NSD1: variants seen among roughly 807,000 people sequenced by gnomAD.
NSD1 encodes the protein histone-lysine N-methyltransferase, H3 lysine-36 specific.
In NSD1, 26 loss-of-function variants were observed where a neutral mutation model predicts 242.7. The observed-to-expected ratio is 0.11, with a 90% confidence interval of 0.08 to 0.15. The LOEUF is 0.15. NSD1 is among the 10% of genes least tolerant of loss of function. The probability of loss-of-function intolerance (pLI) is 1.00; values close to 1 mark genes in which losing one functional copy is unlikely to be tolerated. For synonymous variants in NSD1, 1,106 were observed against 1,178.1 expected, an observed-to-expected ratio of 0.94 and a Z score of 1.25; for missense variants, 2,495 against 3,272.8, an observed-to-expected ratio of 0.76 and a Z score of 5.80.
At chr5:177,212,984 A>G (rs1472667307) in intron 5 of NSD1, among the ~76,000 whole-genome samples, 1 of 152,178 alleles carries the variant, frequency 6.6e-6, no homozygotes, top group East Asian at 1.9e-4. Flanking sequence ...TTTTGTGGAC[A>G]ATTTGATGAA....
At chr5:177,146,460 T>TC in intron 2 of NSD1, among the ~76,000 whole-genome samples, 1 of 151,974 alleles carries the variant, frequency 6.6e-6, no homozygotes, top group Non-Finnish European at 1.5e-5. Flanking sequence ...CGCCTCAGCC[T>TC]CCCAAAGTGT....
In NSD1 at chr5:177,185,889, ATATT is replaced by A. The variant is rs1476329981; in HGVS notation, c.928-5991_928-5988del. Among the ~76,000 whole-genome samples, 291 of 84,392 alleles carry A rather than the reference ATATT, an allele frequency of 3.4e-3. 2 individuals are homozygous for A. The highest frequency in any genetic ancestry group is 0.015 in the African/African-American group (280 of 19,020). 55.4% of individuals were successfully genotyped at this position (84,392 alleles called of 152,430 possible). A position where few individuals can be genotyped will look rare whatever the true frequency, so the allele number is the denominator to read the frequency against. On this transcript the variant is annotated intron_variant, in intron 2 of 22. Coordinates refer to ENST00000439151, the MANE Select transcript of NSD1 (RefSeq NM_022455.5). Reference sequence around the variant, plus strand: ...TATTTATATAATTAATATATATAATATATTTATATATTTTATATAATTATATATA... The same window carrying A: ...TATTTATATAATTAATATATATAATATATATATTTTATATAATTATATATA...
intron 2 of NSD1, among the ~76,000 whole-genome samples, chr5:177,153,208 G>GTT (rs575455880): frequency 0.083 from 11,291 of 135,738 alleles, 894 homozygotes; most frequent in African/African-American, 0.22. Flanking sequence ...TTCTTTTTCT[G>GTT]TTTTTTTTTT....
intron 17 of NSD1, 107 bp from the exon 18 acceptor site, chr5:177,280,458 T>C (rs1758783639): frequency 8.1e-7 from 1 of 1,232,442 alleles, no homozygotes; most frequent in Non-Finnish European, 1.2e-6. Flanking sequence ...TTCAAAATCA[T>C]GGGAAATGTG....
At chr5:177,241,601 T>C (rs1765876484) in intron 8 of NSD1, among the ~76,000 whole-genome samples, 1 of 152,216 alleles carries the variant, frequency 6.6e-6, no homozygotes, top group Non-Finnish European at 1.5e-5. Flanking sequence ...TTAATAACTC[T>C]TCGTCACGGT....
intron 2 of NSD1, among the ~76,000 whole-genome samples, chr5:177,137,884 G>A (rs2149759355): frequency 6.6e-6 from 1 of 152,152 alleles, no homozygotes; most frequent in South Asian, 2.1e-4. Context: ...AGGAGTTTGA[G>A]ACCAGTCTGG....
intron 21 of NSD1, 132 bp from the exon 22 acceptor site, chr5:177,291,822 T>C (rs1759854691): frequency 1.1e-6 from 1 of 885,082 alleles, no homozygotes; most frequent in Admixed American, 2.0e-5. Flanking sequence ...CCAGGTACCT[T>C]TCCTGCATTT....
intron 17 of NSD1, among the ~76,000 whole-genome samples, chr5:177,277,974 T>G (rs1758537468): frequency 6.6e-6 from 1 of 152,244 alleles, no homozygotes; most frequent in South Asian, 2.1e-4. Context: ...TCAGGACTTG[T>G]AGTCTTGGGT....
intron 2 of NSD1, among the ~76,000 whole-genome samples, chr5:177,163,731 T>A (rs1374570664): frequency 6.6e-6 from 1 of 152,204 alleles, no homozygotes; most frequent in Non-Finnish European, 1.5e-5. Context: ...TTATCTCATT[T>A]AATCCTCAAA....
chr5:177,190,993 T>C (rs1316433319), intron 2 of NSD1, among the ~76,000 whole-genome samples: 1 of 140,498 alleles, frequency 7.1e-6, no homozygotes, highest in African/African-American at 2.7e-5. Context: ...TTTTTTTTTT[T>C]GAAGAGTCTC....
chr5:177,181,426 G>GTTTTT (rs1554183364), intron 2 of NSD1, among the ~76,000 whole-genome samples: 10 of 119,766 alleles, frequency 8.3e-5, no homozygotes, highest in East Asian at 2.4e-4. Context: ...GTTTTTTTTT[G>GTTTTT]GTTTTTTTTT....
rs766955389 is a variant in NSD1, at chr5:177,296,170, G to T, written c.*711G>T. The stretch of plus-strand genomic sequence containing the variant: ...AGAGGTCTCCTCTATAGATGCAAGG[G>T]TGCTGCATTGAGGCCAGCAAGGCTG... On this transcript the variant is annotated 3_prime_UTR_variant, in exon 23 of 23. Transcript: ENST00000439151. 4 of 238,800 alleles carry T rather than the reference G, an allele frequency of 1.7e-5. No homozygotes were observed. The highest frequency in any genetic ancestry group is 3.3e-5 in the Non-Finnish European group (4 of 121,444). The allele number at this position is 238,800 out of a possible 1,614,324, so 14.8% of individuals were successfully genotyped here. A position where few individuals can be genotyped will look rare whatever the true frequency, so the allele number is the denominator to read the frequency against.
chr5:177,176,258 T>G (rs1405560553), intron 2 of NSD1, among the ~76,000 whole-genome samples: 2 of 151,788 alleles, frequency 1.3e-5, no homozygotes, highest in African/African-American at 4.8e-5. Flanking sequence ...TATTCGATTC[T>G]TCTTCCTTTT....
chr5:177,256,955 C>G lies in NSD1; in HGVS notation c.4770C>G (p.Ile1590Met). 2 of 1,612,962 alleles carry G rather than the reference C, an allele frequency of 1.2e-6. No homozygotes were observed. Among genetic ancestry groups the G allele is most frequent in the Non-Finnish European group, 1.7e-6 (2 of 1,178,912 alleles). ...KFICNECRTG[I>M]HTCFVCKQSG... ...TATCTTCTTTTGGCTTCTCAGGAAT[C>G]CATACCTGTTTTGTATGTAAGCAGA... Residue 1590 changes from isoleucine (I) to methionine (M), a missense_variant, in exon 13 of 23, where the codon ATC becomes ATG. By Grantham distance (10) the Ile-to-Met change is conservative (BLOSUM62 1). This residue lies in a region of NSD1 where 27 missense variants were observed against 43.1 expected (regional missense o/e 0.63). Coordinates refer to ENST00000439151, the MANE Select transcript of NSD1 (RefSeq NM_022455.5).
intron 2 of NSD1, among the ~76,000 whole-genome samples, chr5:177,181,567 A>G (rs1251379421): frequency 6.6e-6 from 1 of 151,462 alleles, no homozygotes; most frequent in Non-Finnish European, 1.5e-5. Context: ...CTGGGATTAC[A>G]GGTGCCTGCC....
At chr5:177,185,776 T>TA (rs2149813485) in intron 2 of NSD1, among the ~76,000 whole-genome samples, 1 of 53,262 alleles carries the variant, frequency 1.9e-5, no homozygotes, top group East Asian at 8.8e-4. Context: ...TATTTATATA[T>TA]TATATATGTA....
At chr5:177,249,148 A>G (rs897801344) in intron 11 of NSD1, among the ~76,000 whole-genome samples, 76 of 152,134 alleles carry the variant, frequency 5.0e-4, no homozygotes, top group African/African-American at 1.6e-3. Flanking sequence ...GTCTTGATTT[A>G]CCTATGTAAT....
At chr5:177,144,548 T>C (rs1437237910) in intron 2 of NSD1, among the ~76,000 whole-genome samples, 1 of 152,202 alleles carries the variant, frequency 6.6e-6, no homozygotes, top group East Asian at 1.9e-4. Flanking sequence ...GCTTTCTGTA[T>C]TCCAACTGTT....
chr5:177,137,162 C>T (rs1756405639), intron 2 of NSD1: 1 of 372,016 alleles, frequency 2.7e-6, no homozygotes, highest in Admixed American at 4.5e-5. Context: ...TTCTCTTAGC[C>T]TCAATTTTAT....
Sources: gnomAD v4.1 joint callset for allele counts (sites outside exome capture counted in the v4.1 genomes callset) on GRCh38, gnomAD v4.1.1 for gene constraint, gnomAD v4.1.1 regional missense constraint, MANE v1.5 for transcripts, NCBI Gene and HGNC (gene_info 2026-07-23, HGNC 2026-07-21) for gene names.